Variants in PTPRG observed in about 807,000 individuals in gnomAD.
The protein encoded by PTPRG is receptor-type tyrosine-protein phosphatase gamma.
Under a neutral mutation model 165.3 loss-of-function variants are expected in PTPRG, and 102 were observed. That is an observed-to-expected ratio of 0.62 (90% CI 0.53 to 0.73). PTPRG has a LOEUF of 0.73. Among genes scored for constraint, PTPRG ranks in the 30% least tolerant of loss-of-function variants. PTPRG has a pLI of 0.00. For missense variants in PTPRG, 1,866 were observed against 1,861.4 expected, an observed-to-expected ratio of 1.00 and a Z score of -0.05; for synonymous variants, 675 against 669.5, an observed-to-expected ratio of 1.01 and a Z score of -0.13.
At chr3:62,206,221 C>T (rs1327086467) in intron 12 of PTPRG, among the ~76,000 whole-genome samples, 1 of 152,144 alleles carries the variant, frequency 6.6e-6, no homozygotes, top group African/African-American at 2.4e-5. Flanking sequence ...AGTCAGGTTC[C>T]AGATTCCAGA....
chr3:61,706,736 C>T (rs1279560407), intron 1 of PTPRG, among the ~76,000 whole-genome samples: 8 of 151,982 alleles, frequency 5.3e-5, no homozygotes, highest in African/African-American at 7.3e-5. Flanking sequence ...GTGATCCACC[C>T]GCCTCAGCCT....
At chr3:62,220,156 G>A (rs993766344) in intron 13 of PTPRG, among the ~76,000 whole-genome samples, 2 of 152,348 alleles carry the variant, frequency 1.3e-5, no homozygotes, top group Admixed American at 6.5e-5. Flanking sequence ...GGGCTGAGAC[G>A]TGAAGACAGG....
chr3:61,688,520 G>A (rs983871252), intron 1 of PTPRG, among the ~76,000 whole-genome samples: 3 of 152,194 alleles, frequency 2.0e-5, no homozygotes, highest in Non-Finnish European at 4.4e-5. Flanking sequence ...TTAGTTGCAC[G>A]GCGGGGAAGG....
At chr3:62,152,131 T>C (rs138892362) in intron 6 of PTPRG, among the ~76,000 whole-genome samples, 2,262 of 152,164 alleles carry the variant, frequency 0.015, 28 homozygotes, top group Middle Eastern at 0.041. Flanking sequence ...TTTGGGAGGC[T>C]GGGGCTGGAG....
chr3:62,011,009 G>A (rs951693173), intron 4 of PTPRG, among the ~76,000 whole-genome samples: 5 of 152,148 alleles, frequency 3.3e-5, no homozygotes, highest in African/African-American at 1.2e-4. Flanking sequence ...GCAAAGAGAA[G>A]GATCCTGAAA....
intron 10 of PTPRG, among the ~76,000 whole-genome samples, 188 bp from the exon 11 acceptor site, chr3:62,201,317 T>C (rs140232570): frequency 6.6e-6 from 1 of 152,226 alleles, no homozygotes; most frequent in African/African-American, 2.4e-5. Flanking sequence ...AATCTAGCTC[T>C]CCGCATGTTT....
At chr3:62,204,977 C>T (rs901996473) in intron 12 of PTPRG, among the ~76,000 whole-genome samples, 3 of 151,462 alleles carry the variant, frequency 2.0e-5, no homozygotes, top group Admixed American at 6.6e-5. Flanking sequence ...ATTTTTTTTG[C>T]GTCTAAGCTG....
intron 1 of PTPRG, among the ~76,000 whole-genome samples, chr3:61,584,384 G>T (rs1318247010): frequency 6.6e-6 from 1 of 152,156 alleles, no homozygotes; most frequent in African/African-American, 2.4e-5. Context: ...TAGAGTGGAG[G>T]TCAGCAGTGT....
chr3:61,702,370 G>T (rs370175601), intron 1 of PTPRG, among the ~76,000 whole-genome samples: 7 of 152,274 alleles, frequency 4.6e-5, no homozygotes, highest in African/African-American at 1.7e-4. Flanking sequence ...CTGAGAATAG[G>T]AACTGTTACT....
intron 2 of PTPRG, among the ~76,000 whole-genome samples, chr3:61,768,383 C>G (rs554578949): frequency 6.4e-4 from 98 of 152,274 alleles, no homozygotes; most frequent in Non-Finnish European, 1.3e-3. Context: ...CTGTGTTAGC[C>G]TCTGGGAGTA....
At chr3:62,048,770 G>C (rs1193013400) in intron 4 of PTPRG, among the ~76,000 whole-genome samples, 1 of 152,056 alleles carries the variant, frequency 6.6e-6, no homozygotes, top group Non-Finnish European at 1.5e-5. Context: ...TTACATAATT[G>C]CTGTGTCATC....
chr3:61,913,692 G>T (rs2038861305), intron 2 of PTPRG, among the ~76,000 whole-genome samples: 1 of 152,146 alleles, frequency 6.6e-6, no homozygotes, highest in East Asian at 1.9e-4. Context: ...TTCACAAAGG[G>T]ATATCCAGTG....
chr3:61,720,623 T>C (rs1248804404), intron 1 of PTPRG, among the ~76,000 whole-genome samples: 2 of 152,222 alleles, frequency 1.3e-5, no homozygotes, highest in Non-Finnish European at 2.9e-5. Flanking sequence ...TCCTGACTTC[T>C]GATATCATAG....
intron 1 of PTPRG, among the ~76,000 whole-genome samples, chr3:61,699,864 C>G (rs1328811948): frequency 6.6e-6 from 1 of 152,168 alleles, no homozygotes; most frequent in Non-Finnish European, 1.5e-5. Context: ...AAAACTGAAA[C>G]ACTTGAAAAG....
At chr3:62,285,254 G>A (rs1385636696) in intron 28 of PTPRG, among the ~76,000 whole-genome samples, 3 of 152,130 alleles carry the variant, frequency 2.0e-5, no homozygotes, top group Admixed American at 6.6e-5. Context: ...AAACTATTAA[G>A]TATATGTACC....
chr3:62,196,129 G>A (rs1190815522), intron 10 of PTPRG, among the ~76,000 whole-genome samples: 1 of 150,578 alleles, frequency 6.6e-6, no homozygotes, highest in African/African-American at 2.4e-5. Context: ...GAGTGCGGTG[G>A]CTCACACCTG....
chr3:62,100,293 T>C (rs1702245433), intron 5 of PTPRG, among the ~76,000 whole-genome samples: 1 of 152,134 alleles, frequency 6.6e-6, no homozygotes, highest in Non-Finnish European at 1.5e-5. Flanking sequence ...TGGTGGGAAT[T>C]GGGGTGACTT....
At chr3:62,083,176 C>G (rs1344820995) in intron 5 of PTPRG, among the ~76,000 whole-genome samples, 3 of 151,592 alleles carry the variant, frequency 2.0e-5, no homozygotes, top group Non-Finnish European at 4.4e-5. Flanking sequence ...TACTGTCAAC[C>G]TAATTTGAAT....
intron 4 of PTPRG, among the ~76,000 whole-genome samples, chr3:62,076,225 C>A (rs781250385): frequency 6.6e-6 from 1 of 151,900 alleles, no homozygotes; most frequent in African/African-American, 2.4e-5. Context: ...AGGTCAAGGC[C>A]GCAGTGAGCC....
Sources: allele counts gnomAD v4.1 joint callset (sites outside exome capture counted in the v4.1 genomes callset), GRCh38; gene constraint gnomAD v4.1.1; transcripts MANE v1.5; gene names NCBI Gene and HGNC (gene_info 2026-07-23, HGNC 2026-07-21).